Variants in TMEM39A observed in about 807,000 individuals in gnomAD.
TMEM39A encodes the protein transmembrane protein 39A, also known as suppressor of SQST-1 aggregates in rpl-43 mutants.
Under a neutral mutation model 51.9 loss-of-function variants are expected in TMEM39A, and 19 were observed. The observed-to-expected ratio is 0.37, with a 90% CI of 0.26 to 0.54. The LOEUF (loss-of-function observed/expected upper bound fraction) is 0.54, where lower values mean the gene tolerates loss of function less well. TMEM39A is among the 20% of genes least tolerant of loss of function. The pLI, the probability that TMEM39A is intolerant of heterozygous loss-of-function variation, is 0.88. For missense variants in TMEM39A, 433 were observed against 590.5 expected (o/e 0.73, Z 2.76); for synonymous variants, 197 against 220.2 (o/e 0.89, Z 0.93).
At chr3:119,448,935 C>T (rs951627385) in intron 4 of TMEM39A, among the ~76,000 whole-genome samples, 4 of 152,154 alleles carry the variant, frequency 2.6e-5, no homozygotes, top group African/African-American at 9.7e-5. Context: ...ACAAACAAAA[C>T]CCCTGTGCTT....
At position 119,431,869 on chromosome 3, in the gene TMEM39A, A is replaced by G. The variant is rs2080905401; in HGVS notation, c.*112T>C. 3 of 732,634 alleles carry G rather than the reference A, an allele frequency of 4.1e-6. No individual in the cohort carries two copies. The highest frequency in any genetic ancestry group is 4.2e-6 in the Non-Finnish European group (2 of 476,186). 45.4% of individuals were successfully genotyped at this position (732,634 alleles called of 1,614,324 possible). On this transcript the variant is annotated 3_prime_UTR_variant, in exon 9 of 9. Transcript: ENST00000319172. Reference sequence around the variant, plus strand: ...CCTTACTCTTCCCGACTTTCAAAACATAATAGTATACAAAATATAAAATAT... The same window carrying G: ...CCTTACTCTTCCCGACTTTCAAAACGTAATAGTATACAAAATATAAAATAT...
At chr3:119,437,513 TA>T (rs1325908082) in intron 6 of TMEM39A, among the ~76,000 whole-genome samples, 1 of 94,004 alleles carries the variant, frequency 1.1e-5, no homozygotes, top group Non-Finnish European at 2.2e-5. Context: ...CCCCAGAAAC[TA>T]AAAATACTTA....
rs1449317960 is a variant in TMEM39A at position 119,434,832 on chromosome 3, C to T, written c.1163G>A (p.Arg388Lys). Residue 388 changes from arginine to lysine, a missense_variant, in exon 8 of 9, where the codon AGA becomes AAA. Physicochemically the swap from Arg to Lys is conservative, Grantham distance 26 (BLOSUM62 2). Coordinates refer to ENST00000319172, the MANE Select transcript of TMEM39A (RefSeq NM_018266.3). The stretch of plus-strand genomic sequence containing the variant: ...AGGCCCCATGGCTCTATATAAACAT[C>T]TGCTGTGCCGCACCAGCACCCCTTG... The part of the protein sequence containing the change: ...WPQGVLVRHS[R>K]CLYRAMGPYN... 2.5e-6 allele frequency: 4 copies of T among 1,613,684 alleles called. No homozygotes were observed. Among genetic ancestry groups the T allele is most frequent in the African/African-American group, 1.3e-5 (1 of 74,904 alleles).
At chr3:119,451,229 C>T in intron 4 of TMEM39A, 1 of 1,278,598 alleles carries the variant, frequency 7.8e-7, no homozygotes, top group Admixed American at 2.4e-5. Context: ...TGGTTAACTT[C>T]AAATGGTTTT....
At position 119,437,958 on chromosome 3, in the gene TMEM39A, G is replaced by C; in HGVS notation, c.721C>G (p.Leu241Val). ...TTTAGCGACTCCAGCAACAAGGAGA[G>C]AAAGTCTTTGGATTTGGCCAAGCCT... ...VGGLAKSKDF[L>V]SLLLESLKEQ... The change falls in exon 6 of 9, where the codon CTC becomes GTC. Residue 241 changes from leucine (L) to valine (V), a missense_variant. Physicochemically the swap from Leu to Val is conservative, Grantham distance 32. Transcript: ENST00000319172. The C allele has an allele frequency of 1.2e-6, 2 of 1,614,156 alleles. No individual in the cohort carries two copies. Among genetic ancestry groups the C allele is most frequent in the Non-Finnish European group, 1.7e-6 (2 of 1,180,012 alleles).
At chr3:119,459,943 T>C (rs1032181987) in intron 2 of TMEM39A, among the ~76,000 whole-genome samples, 3 of 152,176 alleles carry the variant, frequency 2.0e-5, no homozygotes, top group Non-Finnish European at 4.4e-5. Context: ...AACTATATTA[T>C]AAGCTATCCG....
chr3:119,457,115 C>G (rs769918936), intron 3 of TMEM39A, among the ~76,000 whole-genome samples: 11 of 152,098 alleles, frequency 7.2e-5, no homozygotes, highest in African/African-American at 2.4e-4. Flanking sequence ...GGACTACAGG[C>G]GCCTGCCATC....
rs1307024372 is a variant in TMEM39A at position 119,429,750 on chromosome 3, G to A, written c.*2231C>T. 2 of 152,076 alleles carry A rather than the reference G, an allele frequency of 1.3e-5. No homozygotes were observed. Among genetic ancestry groups the A allele is most frequent in the Non-Finnish European group, 2.9e-5 (2 of 67,976 alleles). 9.4% of individuals were successfully genotyped at this position (152,076 alleles called of 1,614,324 possible). A position where few individuals can be genotyped will look rare whatever the true frequency, so the allele number is the denominator to read the frequency against. ...CTGCCATATCTGGAGGTGAGGGTAG[G>A]AGGAACTTTGCAATTCCATTAGCCA... On this transcript the variant is annotated 3_prime_UTR_variant, in exon 9 of 9. Coordinates refer to ENST00000319172, the MANE Select transcript of TMEM39A (RefSeq NM_018266.3).
At chr3:119,455,142 G>T (rs12488164) in intron 3 of TMEM39A, among the ~76,000 whole-genome samples, 22,081 of 152,158 alleles carry the variant, frequency 0.15, 2,009 homozygotes, top group Admixed American at 0.2. Context: ...ACTCATAATA[G>T]AAGAAAACTT....
rs1209764004 is a variant in TMEM39A, at chr3:119,431,537, T to C, written c.*444A>G. ...CCACTCTTTTCCCAATGTATTCCAA[T>C]ACTATTAGCCAGCTGAACTAAAAGA... On this transcript the variant is annotated 3_prime_UTR_variant, in exon 9 of 9. Coordinates refer to ENST00000319172, the MANE Select transcript of TMEM39A (RefSeq NM_018266.3). The C allele has an allele frequency of 1.3e-5, 2 of 152,972 alleles. No individual in the cohort carries two copies. Among genetic ancestry groups the C allele is most frequent in the Non-Finnish European group, 2.9e-5 (2 of 68,664 alleles). The allele number at this position is 152,972 out of a possible 1,614,324, so 9.5% of individuals were successfully genotyped here. A position where few individuals can be genotyped will look rare whatever the true frequency, so the allele number is the denominator to read the frequency against.
rs1367049370 is a variant in TMEM39A, at chr3:119,430,980, A to G, written c.*1001T>C. 1 of 152,198 alleles carries G rather than the reference A, an allele frequency of 6.6e-6. No homozygotes were observed. Among genetic ancestry groups the G allele is most frequent in the African/African-American group, 2.4e-5 (1 of 41,452 alleles). 9.4% of individuals were successfully genotyped at this position (152,198 alleles called of 1,614,324 possible). On this transcript the variant is annotated 3_prime_UTR_variant, in exon 9 of 9. Transcript: ENST00000319172. Reference sequence around the variant, plus strand: ...CATAACTTAAAAGGCTAATACTCATAAACATGAAAGTTCTGGAGTATGAAA... The same window carrying G: ...CATAACTTAAAAGGCTAATACTCATGAACATGAAAGTTCTGGAGTATGAAA...
At chr3:119,435,048 A>G (rs1288917163) in intron 7 of TMEM39A, 166 bp from the exon 8 acceptor site, 1 of 962,142 alleles carries the variant, frequency 1.0e-6, no homozygotes, top group East Asian at 1.1e-4. Context: ...AGTTTTAGAA[A>G]GGATTTGTTA....
rs768008338 is a variant in TMEM39A at position 119,438,048 on chromosome 3, G to T, written c.631C>A (p.Leu211Ile). The part of the protein sequence containing the change: ...CFHQDSRAHL[L>I]LTDYNYVVQH... The stretch of plus-strand genomic sequence containing the variant: ...ACCACATAGTTGTAGTCTGTGAGAA[G>T]AAGATGTGCTCTACTATCTTGATGA... Residue 211 changes from leucine (L) to isoleucine (I), a missense_variant, in exon 6 of 9, where the codon CTT (leucine) becomes ATT (isoleucine). This residue lies in a region of TMEM39A where 40 missense variants were observed against 22.6 expected (regional missense o/e 1.77). Transcript: ENST00000319172. 1 of 1,608,654 alleles carries T rather than the reference G, an allele frequency of 6.2e-7. No homozygotes were observed. The highest frequency in any genetic ancestry group is 1.1e-5 in the South Asian group (1 of 90,990).
intron 5 of TMEM39A, among the ~76,000 whole-genome samples, chr3:119,445,162 C>T (rs1294918046): frequency 2.0e-5 from 3 of 151,986 alleles, no homozygotes; most frequent in African/African-American, 7.2e-5. Context: ...GTATGTGTAA[C>T]GCTCTGAAGT....
At position 119,429,536 on chromosome 3, in the gene TMEM39A, T is replaced by G. The variant is rs2080873205; in HGVS notation, c.*2445A>C. 6.6e-6 allele frequency: 1 copy of G among 152,156 alleles called. No individual in the cohort carries two copies. Among genetic ancestry groups the G allele is most frequent in the African/African-American group, 2.4e-5 (1 of 41,432 alleles). The allele number at this position is 152,156 out of a possible 1,614,324, so 9.4% of individuals were successfully genotyped here. A position where few individuals can be genotyped will look rare whatever the true frequency, so the allele number is the denominator to read the frequency against. On this transcript the variant is annotated 3_prime_UTR_variant, in exon 9 of 9. Transcript: ENST00000319172. Reference sequence around the variant, plus strand: ...GTCATTCTTTAATGATTACACATTTTTCTACTATCAGTGAGCAAATATAGT... The same window carrying G: ...GTCATTCTTTAATGATTACACATTTGTCTACTATCAGTGAGCAAATATAGT...
intron 6 of TMEM39A, among the ~76,000 whole-genome samples, chr3:119,437,534 A>G (rs929035612): frequency 7.9e-5 from 12 of 151,518 alleles, no homozygotes; most frequent in African/African-American, 1.5e-4. Context: ...AAAAAAAAAA[A>G]AAAAAAGAAA....
intron 3 of TMEM39A, among the ~76,000 whole-genome samples, chr3:119,456,011 C>T (rs1362412469): frequency 2.6e-5 from 4 of 152,126 alleles, no homozygotes; most frequent in African/African-American, 9.7e-5. Flanking sequence ...ATGGTACCTA[C>T]CCATTTTGTC....
intron 1 of TMEM39A, among the ~76,000 whole-genome samples, chr3:119,462,456 A>G (rs1179800612): frequency 6.6e-6 from 1 of 152,076 alleles, no homozygotes. Context: ...CACCTTATAC[A>G]TTTCCAGCTC....
Position 119,447,782 on chromosome 3 carries a change from C to T in TMEM39A, c.421-610G>A, listed in dbSNP as rs138730532. 8.0e-3 allele frequency among the ~76,000 whole-genome samples: 1,213 copies of T among 152,146 alleles called. 22 individuals carry two copies. Among genetic ancestry groups the T allele is most frequent in the South Asian group, 0.071 (343 of 4,818 alleles). On this transcript the variant is annotated intron_variant, in intron 4 of 8. Transcript: ENST00000319172. The stretch of plus-strand genomic sequence containing the variant: ...TGGGATACAGGCGTACACCACCACG[C>T]CCAGCTAATTTTTGTATTTTTAGTA...
Sources: gnomAD v4.1 joint callset for allele counts (sites outside exome capture counted in the v4.1 genomes callset) on GRCh38, gnomAD v4.1.1 for gene constraint, gnomAD v4.1.1 regional missense constraint, MANE v1.5 for transcripts, NCBI Gene and HGNC (gene_info 2026-07-23, HGNC 2026-07-21) for gene names.